Variants in PLXNA1 observed in about 807,000 individuals in gnomAD.
PLXNA1 encodes plexin-A1.
PLXNA1 carries 77 observed loss-of-function variants against 191.7 expected under a neutral mutation model. That is an observed-to-expected ratio of 0.40 (90% confidence interval 0.33 to 0.49). The LOEUF is 0.49. Ranked by LOEUF, PLXNA1 falls within the 20% of genes least tolerant of loss-of-function variation. PLXNA1 has a pLI of 0.63. For synonymous variants in PLXNA1, 1,137 were observed against 1,156.4 expected (o/e 0.98, Z 0.34); for missense variants, 2,110 against 2,660.2 (o/e 0.79, Z 4.55).
intron 15 of PLXNA1, 45 bp from the exon 16 acceptor site, chr3:127,016,472 G>T (rs2079123925): frequency 6.3e-7 from 1 of 1,593,918 alleles, no homozygotes; most frequent in African/African-American, 1.3e-5. Context: ...CACCTGCCTG[G>T]GTTCCACCCG....
rs774719190 is a variant in PLXNA1 at position 127,018,367 on chromosome 3, C to T, written c.3734C>T (p.Ala1245Val). ...TCGGACAGCCTGCTGACGCTGCCTG[C>T]CATTGTGGGCATTGGCGGAGGCGGG... ...VYSDSLLTLP[A>V]IVGIGGGGGL... The change falls in exon 20 of 32, where the codon GCC (alanine) becomes GTC (valine). Residue 1245 changes from alanine to valine, a missense_variant. Ala to Val is a moderately conservative substitution (Grantham distance 64, BLOSUM62 0). Around this residue, in one of 4 missense-constraint regions of PLXNA1, gnomAD observed 559 missense variants for 911.5 expected, o/e 0.61. Transcript: ENST00000393409. 2 of 1,613,100 alleles carry T rather than the reference C, an allele frequency of 1.2e-6. No homozygotes were observed. The highest frequency in any genetic ancestry group is 2.2e-5 in the South Asian group (2 of 91,082).
chr3:127,016,746 C>G, intron 16 of PLXNA1, 62 bp downstream of exon 16: 1 of 1,581,228 alleles, frequency 6.3e-7, no homozygotes. Context: ...GAGCCAGGAG[C>G]TCTTCCACTG....
In PLXNA1 at chr3:127,014,242, C is replaced by G; in HGVS notation, c.2471C>G (p.Pro824Arg). Reference sequence around the variant, plus strand: ...TGCGGCCTCTGCCTCAAGGCCGACCCGCGCTTCGAGTGCGGATGGTGCGTG... The same window carrying G: ...TGCGGCCTCTGCCTCAAGGCCGACCGGCGCTTCGAGTGCGGATGGTGCGTG... The part of the protein sequence containing the change: ...ESCGLCLKAD[P>R]RFECGWCVAE... Residue 824 changes from proline to arginine, a missense_variant, in exon 12 of 32, where the codon CCG (proline) becomes CGG (arginine). By Grantham distance (103) the Pro-to-Arg change is moderately radical. Coordinates refer to ENST00000393409, the MANE Select transcript of PLXNA1 (RefSeq NM_032242.4). 1.2e-6 allele frequency: 2 copies of G among 1,603,588 alleles called. No homozygotes were observed. Among genetic ancestry groups the G allele is most frequent in the Non-Finnish European group, 1.7e-6 (2 of 1,175,506 alleles).
At chr3:127,017,076 C>T in intron 17 of PLXNA1, 39 bp downstream of exon 17, 1 of 1,536,354 alleles carries the variant, frequency 6.5e-7, no homozygotes, top group Non-Finnish European at 9.0e-7. Flanking sequence ...CGGTCCAGGC[C>T]TTCACCTGGG....
At chr3:126,986,936 TGTCTGGGATG>T (rs1270413406) in intron 1 of PLXNA1, among the ~76,000 whole-genome samples, 2 of 152,010 alleles carry the variant, frequency 1.3e-5, no homozygotes, top group Admixed American at 6.5e-5. Context: ...ATACAAGGGG[TGTCTGGGATG>T]GTCTGTGCAA....
At position 127,004,718 on chromosome 3, in the gene PLXNA1, C is replaced by CTGGGCAGG. The variant is rs1462161136; in HGVS notation, c.1619+16_1619+23dup. ...GGTGTGTCCTGCACAGCATGTGAGT[C>CTGGGCAGG]TGGGCAGGTGGGCAGGGGCAGGCGG... On this transcript the variant is annotated splice_region_variant and intron_variant, in intron 5 of 31. Coordinates refer to ENST00000393409, the MANE Select transcript of PLXNA1 (RefSeq NM_032242.4). 7.6e-6 allele frequency: 12 copies of CTGGGCAGG among 1,587,124 alleles called. No individual in the cohort carries two copies. Among genetic ancestry groups the CTGGGCAGG allele is most frequent in the Non-Finnish European group, 9.4e-6 (11 of 1,167,234 alleles).
At chr3:126,994,537 T>C (rs1258517833) in intron 3 of PLXNA1, among the ~76,000 whole-genome samples, 2 of 152,154 alleles carry the variant, frequency 1.3e-5, no homozygotes, top group Non-Finnish European at 2.9e-5. Context: ...TTCTGGGGCC[T>C]GGGTTCGAGT....
intron 29 of PLXNA1, 96 bp downstream of exon 29, chr3:127,030,508 G>T: frequency 6.8e-7 from 1 of 1,468,650 alleles, no homozygotes; most frequent in Admixed American, 1.9e-5. Context: ...CCCCCACTTG[G>T]GGCTCCCTGG....
intron 14 of PLXNA1, 43 bp from the exon 15 acceptor site, chr3:127,015,141 G>T (rs1266030352): frequency 6.3e-7 from 1 of 1,585,024 alleles, no homozygotes; most frequent in East Asian, 2.2e-5. Flanking sequence ...GTGGCCCGAG[G>T]GGGACTTTCC....
At chr3:127,009,790 T>C (rs951742924) in intron 9 of PLXNA1, among the ~76,000 whole-genome samples, 1 of 152,088 alleles carries the variant, frequency 6.6e-6, no homozygotes, top group Non-Finnish European at 1.5e-5. Context: ...GGCCTGTGCA[T>C]GTTGATGGGA....
chr3:127,022,338 G>C lies in PLXNA1; in HGVS notation c.4292G>C (p.Arg1431Pro). 6.2e-7 allele frequency: 1 copy of C among 1,608,892 alleles called. No homozygotes were observed. Among genetic ancestry groups the C allele is most frequent in the Non-Finnish European group, 8.5e-7 (1 of 1,176,392 alleles). The change falls in exon 22 of 32, where the codon CGC (arginine) becomes CCC (proline). Residue 1431 changes from arginine (R) to proline (P), a missense_variant. Physicochemically the swap from Arg to Pro is moderately radical, Grantham distance 103 (BLOSUM62 -2). Coordinates refer to ENST00000393409, the MANE Select transcript of PLXNA1 (RefSeq NM_032242.4). ...AAGAACCACCCCAAGCTGCTACTGCGCCGGTGAGCCTGGGGGGCACTGGGG... is the reference window on the plus strand; with the variant it reads ...AAGAACCACCCCAAGCTGCTACTGCCCCGGTGAGCCTGGGGGGCACTGGGG... ...ESKNHPKLLL[R>P]RTESVAEKML...
At chr3:127,016,464 C>T in intron 15 of PLXNA1, 53 bp from the exon 16 acceptor site, 2 of 1,567,314 alleles carry the variant, frequency 1.3e-6, no homozygotes, top group Non-Finnish European at 1.8e-6. Context: ...CTGCATTCCA[C>T]CTGCCTGGGT....
At chr3:126,997,594 G>A (rs554864887) in intron 3 of PLXNA1, among the ~76,000 whole-genome samples, 21 of 152,352 alleles carry the variant, frequency 1.4e-4, no homozygotes, top group Non-Finnish European at 2.5e-4. Context: ...GTAACCTGCC[G>A]ACATCTGTGC....
intron 21 of PLXNA1, among the ~76,000 whole-genome samples, chr3:127,020,809 C>T (rs1237269075): frequency 6.6e-6 from 1 of 152,166 alleles, no homozygotes; most frequent in Non-Finnish European, 1.5e-5. Context: ...GGGCAGGGGC[C>T]GTGTGCTGGG....
intron 31 of PLXNA1, 123 bp downstream of exon 31, chr3:127,032,959 C>G: frequency 9.6e-7 from 1 of 1,036,698 alleles, no homozygotes; most frequent in Non-Finnish European, 1.4e-6. Flanking sequence ...ACCACCTTCA[C>G]TCCTCTGCAC....
chr3:127,033,795 A>T (rs1020578911), intron 31 of PLXNA1, 127 bp from the exon 32 acceptor site: 1 of 739,160 alleles, frequency 1.4e-6, no homozygotes, highest in Non-Finnish European at 2.3e-6. Flanking sequence ...GCTCACAACC[A>T]AGGTCCTTTG....
chr3:127,032,660 G>T, intron 30 of PLXNA1, 26 bp from the exon 31 acceptor site: 1 of 1,611,828 alleles, frequency 6.2e-7, no homozygotes, highest in Non-Finnish European at 8.5e-7. Flanking sequence ...CTCTGCTCAT[G>T]TGCCCACCTG....
At position 127,005,083 on chromosome 3, in the gene PLXNA1, T is replaced by C. The variant is rs1206436393; in HGVS notation, c.1744-7T>C. The C allele has an allele frequency of 3.1e-6, 5 of 1,612,316 alleles. No individual in the cohort carries two copies. The highest frequency in any genetic ancestry group is 4.2e-6 in the Non-Finnish European group (5 of 1,179,708). ...CCTGCTCACCATGCCTCCTGCTGCC[T>C]GCCCAGCTTGTGCTGCAGGCCTGGA... On this transcript the variant is annotated splice_polypyrimidine_tract_variant and splice_region_variant and intron_variant, in intron 6 of 31. Coordinates refer to ENST00000393409, the MANE Select transcript of PLXNA1 (RefSeq NM_032242.4).
At chr3:127,004,785 G>C (rs1432666311) in intron 5 of PLXNA1, 74 bp downstream of exon 5, 29 of 1,596,180 alleles carry the variant, frequency 1.8e-5, no homozygotes, top group Non-Finnish European at 2.4e-5. Context: ...GGGGAGCCTG[G>C]TGCAGGGCAA....
Sources: gnomAD v4.1 joint callset for allele counts (sites outside exome capture counted in the v4.1 genomes callset) on GRCh38, gnomAD v4.1.1 for gene constraint, gnomAD v4.1.1 regional missense constraint, MANE v1.5 for transcripts, NCBI Gene and HGNC (gene_info 2026-07-23, HGNC 2026-07-21) for gene names.